UBE2E2: variants seen among roughly 807,000 people sequenced by gnomAD.
The protein encoded by UBE2E2 is ubiquitin conjugating enzyme E2 E2, also known as ubiquitin-conjugating enzyme E2 E2.
UBE2E2 carries 6 observed loss-of-function variants against 24.7 expected under a neutral mutation model. The ratio of observed to expected loss-of-function variants is 0.24; its 90% confidence interval spans 0.13 to 0.48. The LOEUF (loss-of-function observed/expected upper bound fraction) is 0.48, where lower values mean the gene tolerates loss of function less well. Among genes scored for constraint, UBE2E2 ranks in the 20% least tolerant of loss-of-function variants. The probability of loss-of-function intolerance (pLI) is 0.99; values close to 1 mark genes in which losing one functional copy is unlikely to be tolerated. For missense variants in UBE2E2, 169 were observed against 245.0 expected (o/e 0.69, Z 2.07); for synonymous variants, 104 against 83.6 (o/e 1.24, Z -1.33).
At chr3:23,489,327 G>T (rs1369653215) in intron 3 of UBE2E2, among the ~76,000 whole-genome samples, 1 of 152,052 alleles carries the variant, frequency 6.6e-6, no homozygotes, top group African/African-American at 2.4e-5. Flanking sequence ...CATCTAGGTG[G>T]TCCCATCTGT....
chr3:23,235,362 A>G (rs1280480212), intron 3 of UBE2E2, among the ~76,000 whole-genome samples: 3 of 152,154 alleles, frequency 2.0e-5, no homozygotes, highest in Non-Finnish European at 2.9e-5. Flanking sequence ...TAGTATTACA[A>G]ACTGCATGTG....
intron 5 of UBE2E2, among the ~76,000 whole-genome samples, chr3:23,538,624 G>A (rs1404082129): frequency 1.3e-5 from 2 of 152,010 alleles, no homozygotes; most frequent in Non-Finnish European, 2.9e-5. Context: ...AGATGCATTT[G>A]AAAATAATGC....
chr3:23,349,212 C>T (rs1444737669), intron 3 of UBE2E2, among the ~76,000 whole-genome samples: 1 of 152,014 alleles, frequency 6.6e-6, no homozygotes, highest in African/African-American at 2.4e-5. Flanking sequence ...GAAAAGCCAT[C>T]CTGGAAGGAC....
At chr3:23,417,699 T>C (rs951372701) in intron 3 of UBE2E2, among the ~76,000 whole-genome samples, 3 of 152,128 alleles carry the variant, frequency 2.0e-5, no homozygotes, top group Non-Finnish European at 4.4e-5. Flanking sequence ...AGATGGGGGT[T>C]TTATCTATAA....
intron 3 of UBE2E2, among the ~76,000 whole-genome samples, chr3:23,225,074 T>TA (rs1696781492): frequency 1.3e-5 from 2 of 152,246 alleles, no homozygotes; most frequent in Non-Finnish European, 1.5e-5. Flanking sequence ...ATGTGCTTAT[T>TA]GTCCATTTGT....
chr3:23,397,847 AC>A (rs1202191778), intron 3 of UBE2E2, among the ~76,000 whole-genome samples: 1 of 152,020 alleles, frequency 6.6e-6, no homozygotes, highest in African/African-American at 2.4e-5. Context: ...TCATTCTCAG[AC>A]ATTGTTACTT....
At chr3:23,264,509 C>T (rs1020022449) in intron 3 of UBE2E2, among the ~76,000 whole-genome samples, 1 of 152,074 alleles carries the variant, frequency 6.6e-6, no homozygotes. Flanking sequence ...AACATCATTC[C>T]TATATCATGT....
intron 3 of UBE2E2, among the ~76,000 whole-genome samples, chr3:23,369,216 A>G (rs182615090): frequency 3.9e-5 from 6 of 152,316 alleles, no homozygotes; most frequent in Admixed American, 2.0e-4. Flanking sequence ...ATAAGGAAGG[A>G]ATCCAGAATT....
intron 3 of UBE2E2, among the ~76,000 whole-genome samples, chr3:23,296,401 G>C (rs1312436315): frequency 2.0e-5 from 3 of 152,102 alleles, no homozygotes; most frequent in Non-Finnish European, 2.9e-5. Flanking sequence ...TGCCATGCTG[G>C]TATGCTGCAC....
At chr3:23,291,884 A>G (rs1698776504) in intron 3 of UBE2E2, among the ~76,000 whole-genome samples, 1 of 101,798 alleles carries the variant, frequency 9.8e-6, no homozygotes, top group Non-Finnish European at 1.8e-5. Flanking sequence ...TTTGAGACAG[A>G]GTCTCGCTCT....
chr3:23,296,437 G>T (rs1432430254), intron 3 of UBE2E2, among the ~76,000 whole-genome samples: 1 of 151,970 alleles, frequency 6.6e-6, no homozygotes, highest in Admixed American at 6.6e-5. Flanking sequence ...TTACCATTAG[G>T]TATATCTCCT....
At chr3:23,273,970 C>G (rs1201352377) in intron 3 of UBE2E2, 4 of 152,178 alleles carry the variant, frequency 2.6e-5, no homozygotes, top group Admixed American at 6.5e-5. Context: ...AAACTTGATT[C>G]TTCTTACTGA....
At chr3:23,563,992 A>AAAG (rs1559423288) in intron 5 of UBE2E2, among the ~76,000 whole-genome samples, 1 of 142,608 alleles carries the variant, frequency 7.0e-6, no homozygotes, top group Non-Finnish European at 1.5e-5. Context: ...AGAAAGAAAA[A>AAAG]GAAAAGAAAA....
rs1188703511 is a variant in UBE2E2, at chr3:23,316,914, TG to T, written c.227+99604del. ...AAATGTCATCCAGGGAATTAGGGCCTGGAATGGGGACCTCAGGACTCTCTCT... is the reference window on the plus strand; with the variant it reads ...AAATGTCATCCAGGGAATTAGGGCCTGAATGGGGACCTCAGGACTCTCTCT... On this transcript the variant is annotated intron_variant, in intron 3 of 5. Coordinates refer to ENST00000396703, the MANE Select transcript of UBE2E2 (RefSeq NM_152653.4). Among the ~76,000 whole-genome samples, 5 of 152,120 alleles carry T rather than the reference TG, an allele frequency of 3.3e-5. No individual in the cohort carries two copies. The East Asian group carries it at 9.7e-4, about 29-fold the overall frequency.
At position 23,563,971 on chromosome 3, in the gene UBE2E2, AAAAG is replaced by A. The variant is rs35762193; in HGVS notation, c.509-25747_509-25744del. 8.3e-3 allele frequency among the ~76,000 whole-genome samples: 1,245 copies of A among 149,724 alleles called. 14 individuals carry two copies. Among genetic ancestry groups the A allele is most frequent in the Admixed American group, 0.014 (203 of 15,024 alleles). On this transcript the variant is annotated intron_variant, in intron 5 of 5. Coordinates refer to ENST00000396703, the MANE Select transcript of UBE2E2 (RefSeq NM_152653.4). ...AGGGTTGATTTAAGCTTCCAAAAACAAAAGAAAGAAAGAAAGAAAAAGAAAAGAA... is the reference window on the plus strand; with the variant it reads ...AGGGTTGATTTAAGCTTCCAAAAACAAAAGAAAGAAAGAAAAAGAAAAGAA...
chr3:23,381,541 C>T (rs139913093), intron 3 of UBE2E2, among the ~76,000 whole-genome samples: 77 of 152,166 alleles, frequency 5.1e-4, no homozygotes, highest in Middle Eastern at 3.4e-3. Flanking sequence ...GTAAGAGCTC[C>T]GCATTATTAC....
intron 3 of UBE2E2, among the ~76,000 whole-genome samples, chr3:23,357,176 A>G (rs1695979956): frequency 1.3e-5 from 2 of 152,226 alleles, no homozygotes; most frequent in African/African-American, 4.8e-5. Context: ...GCCGGAAGGA[A>G]TGGGATATCA....
At chr3:23,435,088 T>A (rs890311300) in intron 3 of UBE2E2, among the ~76,000 whole-genome samples, 1 of 152,204 alleles carries the variant, frequency 6.6e-6, no homozygotes, top group Non-Finnish European at 1.5e-5. Flanking sequence ...GTCTAGTAAA[T>A]AAGCCAGATT....
At chr3:23,231,812 CA>C (rs1696982107) in intron 3 of UBE2E2, among the ~76,000 whole-genome samples, 1 of 152,100 alleles carries the variant, frequency 6.6e-6, no homozygotes, top group Non-Finnish European at 1.5e-5. Flanking sequence ...CGGTATATTA[CA>C]AAGGATATTT....
Sources: gnomAD v4.1 joint callset for allele counts (sites outside exome capture counted in the v4.1 genomes callset) on GRCh38, gnomAD v4.1.1 for gene constraint, MANE v1.5 for transcripts, NCBI Gene and HGNC (gene_info 2026-07-23, HGNC 2026-07-21) for gene names.